The following STK33 variants were observed in gnomAD, a reference collection of about 807,000 sequenced individuals.
The protein encoded by STK33 is serine/threonine-protein kinase 33.
A neutral mutation model predicts 58.0 loss-of-function variants in STK33; 52 were observed. The observed-to-expected ratio is 0.90, with a 90% CI of 0.72 to 1.13. The LOEUF (loss-of-function observed/expected upper bound fraction) is 1.13, where lower values mean the gene tolerates loss of function less well. Ranked by LOEUF, STK33 falls within the 50% of genes most tolerant of loss-of-function variation. The pLI, the probability that STK33 is intolerant of heterozygous loss-of-function variation, is 0.00. For synonymous variants in STK33, 215 were observed against 200.1 expected, an observed-to-expected ratio of 1.07 and a Z score of -0.63; for missense variants, 630 against 604.2, an observed-to-expected ratio of 1.04 and a Z score of -0.45.
In STK33 at chr11:8,436,040, G is replaced by A; in HGVS notation, c.1047C>T (p.Ser349=). The change falls in exon 13 of 16, where the codon TCC becomes TCT. Residue 349 remains serine, a synonymous_variant. Coordinates refer to ENST00000687296, the MANE Select transcript of STK33 (RefSeq NM_001352389.2). Reference sequence around the variant, plus strand: ...ATCTATACTTACCACAGTCACTTATGGAATTCCAGACTGCATTTTCAAAAT... The same window carrying A: ...ATCTATACTTACCACAGTCACTTATAGAATTCCAGACTGCATTTTCAAAAT... ...ELHFENAVWN[S]ISDCAKSVLK... 6.3e-7 allele frequency: 1 copy of A among 1,577,464 alleles called. No homozygotes were observed. Among genetic ancestry groups the A allele is most frequent in the African/African-American group, 1.4e-5 (1 of 73,780 alleles).
intron 1 of STK33, among the ~76,000 whole-genome samples, chr11:8,521,817 G>T (rs920718860): frequency 6.6e-6 from 1 of 152,024 alleles, no homozygotes; most frequent in Non-Finnish European, 1.5e-5. Context: ...GTGGGTGAAG[G>T]ACATGAACAG....
chr11:8,424,275 G>C (rs1000566582), intron 14 of STK33, among the ~76,000 whole-genome samples: 18 of 151,398 alleles, frequency 1.2e-4, no homozygotes, highest in Non-Finnish European at 2.5e-4. Context: ...TGCTGAGAAT[G>C]ATGGTTTCCA....
chr11:8,593,723 G>A (rs2032979686), intron 1 of STK33: 1 of 152,250 alleles, frequency 6.6e-6, no homozygotes, highest in African/African-American at 2.4e-5. Flanking sequence ...GAACTTCTAA[G>A]GATGTTTCCC....
At position 8,423,424 on chromosome 11, in the gene STK33, T is replaced by C. The variant is rs571514271; in HGVS notation, c.1147-9732A>G. Reference sequence around the variant, plus strand: ...GCTGTATCCTCCAAGTTTTGGTATGTTGTATTTTCATTATCACTCAGTTCT... The same window carrying C: ...GCTGTATCCTCCAAGTTTTGGTATGCTGTATTTTCATTATCACTCAGTTCT... On this transcript the variant is annotated intron_variant, in intron 14 of 15. Coordinates refer to ENST00000687296, the MANE Select transcript of STK33 (RefSeq NM_001352389.2). Among the ~76,000 whole-genome samples, 107 of 152,234 alleles carry C rather than the reference T, an allele frequency of 7.0e-4. 1 individual carries two copies. Among genetic ancestry groups the C allele is most frequent in the Non-Finnish European group, 1.3e-3 (88 of 67,996 alleles).
intron 1 of STK33, among the ~76,000 whole-genome samples, chr11:8,485,325 T>C (rs11041947): frequency 0.4 from 60,436 of 152,026 alleles, 12,290 homozygotes; most frequent in South Asian, 0.56. Flanking sequence ...TAAAATTATA[T>C]ACTTTTACAC....
chr11:8,475,127 T>C lies in STK33; in HGVS notation c.-161-61A>G, dbSNP rs1949147665. 1.4e-5 allele frequency: 6 copies of C among 426,956 alleles called. No individual in the cohort carries two copies. In the South Asian group the frequency reaches 3.7e-4, roughly 26 times the overall value. The allele number at this position is 426,956 out of a possible 1,614,324, so 26.4% of individuals were successfully genotyped here. ...TCTTAACCTATTACCATCCTGGAAA[T>C]CAGAGAAAAGCTAGCAACTAGCACT... On this transcript the variant is annotated intron_variant, in intron 4 of 15. Transcript: ENST00000687296.
At chr11:8,355,970 A>G in the STK33 span, among the ~76,000 whole-genome samples, 1 of 152,226 alleles carries the variant, frequency 6.6e-6, no homozygotes, top group East Asian at 1.9e-4. Flanking sequence ...GACCTGACAA[A>G]TGGAGTTTGA....
At chr11:8,540,316 CAA>C (rs142768062) in intron 1 of STK33, among the ~76,000 whole-genome samples, 6 of 117,102 alleles carry the variant, frequency 5.1e-5, no homozygotes, top group East Asian at 2.4e-4. Context: ...CCCATCTCTA[CAA>C]AAAAAAAAAA....
intron 1 of STK33, among the ~76,000 whole-genome samples, chr11:8,550,025 G>C (rs1490153086): frequency 6.6e-6 from 1 of 152,080 alleles, no homozygotes; most frequent in Non-Finnish European, 1.5e-5. Context: ...TTTGTACTTT[G>C]TATTTCCATA....
chr11:8,396,060 C>T lies in STK33; in HGVS notation c.1345-3350G>A, dbSNP rs10840033. ...AAATCACAGTATTTGCTCCTTCACT[C>T]CCTGGTAACATCAATTCAAATCTAC... On this transcript the variant is annotated intron_variant, in intron 15 of 15. Transcript: ENST00000687296. 6.2e-3 allele frequency among the ~76,000 whole-genome samples: 942 copies of T among 152,188 alleles called. 4 individuals carry two copies. The highest frequency in any genetic ancestry group is 9.8e-3 in the Admixed American group (150 of 15,282).
At chr11:8,483,701 C>T (rs1591411676) in intron 1 of STK33, among the ~76,000 whole-genome samples, 1 of 152,256 alleles carries the variant, frequency 6.6e-6, no homozygotes, top group Middle Eastern at 3.4e-3. Context: ...AGGCTCCAGC[C>T]AGTACAATCA....
chr11:8,394,879 T>C (rs1849071838), intron 15 of STK33, among the ~76,000 whole-genome samples: 1 of 152,216 alleles, frequency 6.6e-6, no homozygotes, highest in South Asian at 2.1e-4. Flanking sequence ...GTAATTTTAG[T>C]TATTTATTTC....
At chr11:8,559,737 C>T (rs12792543) in intron 1 of STK33, among the ~76,000 whole-genome samples, 20,108 of 151,954 alleles carry the variant, frequency 0.13, 1,726 homozygotes, top group South Asian at 0.28. Flanking sequence ...TGAAAGAGTC[C>T]AGAGGGTATA....
chr11:8,556,854 A>C (rs1409006017), intron 1 of STK33, among the ~76,000 whole-genome samples: 1 of 152,196 alleles, frequency 6.6e-6, no homozygotes, highest in Non-Finnish European at 1.5e-5. Flanking sequence ...AGAATGAATG[A>C]ATGAAGAAGA....
chr11:8,490,711 A>T (rs1354004401), intron 1 of STK33, among the ~76,000 whole-genome samples: 2 of 152,070 alleles, frequency 1.3e-5, no homozygotes, highest in African/African-American at 4.8e-5. Flanking sequence ...CTCTGGAACA[A>T]AGCTTCCAGA....
At chr11:8,350,008 T>C in the STK33 span, among the ~76,000 whole-genome samples, 1 of 152,290 alleles carries the variant, frequency 6.6e-6, no homozygotes, top group East Asian at 1.9e-4. Context: ...GGATCAGCTG[T>C]TTCTGGAGAG....
At chr11:8,378,760 C>CA in the STK33 span, among the ~76,000 whole-genome samples, 1 of 151,952 alleles carries the variant, frequency 6.6e-6, no homozygotes, top group African/African-American at 2.4e-5. Context: ...ATCCTAACAC[C>CA]AACATCTTTT....
Position 8,499,004 on chromosome 11 carries a change from T to C in STK33, c.-465-18390A>G, listed in dbSNP as rs372621665. Among the ~76,000 whole-genome samples the C allele has an allele frequency of 1.1e-4, 16 of 152,250 alleles. 1 individual carries two copies. The highest frequency in any genetic ancestry group is 3.9e-4 in the African/African-American group (16 of 41,540). ...CTAGAAGAAAACCTAGCCAATACCA[T>C]TCAGGACATAGGCACGGGCAAAGAA... On this transcript the variant is annotated intron_variant, in intron 1 of 15. Transcript: ENST00000687296.
rs150568727 is a variant in STK33, at chr11:8,562,201, T to C, written c.-466+31882A>G. Among the ~76,000 whole-genome samples, 1,075 of 152,352 alleles carry C rather than the reference T, an allele frequency of 7.1e-3. 8 individuals are homozygous for C. The highest frequency in any genetic ancestry group is 0.012 in the Admixed American group (182 of 15,298). On this transcript the variant is annotated intron_variant, in intron 1 of 15. Transcript: ENST00000687296. Reference sequence around the variant, plus strand: ...AGTAAAGCAGTTAACTAGCTTTGGTTTGCTAATTTATTAGTTATTCATTTA... The same window carrying C: ...AGTAAAGCAGTTAACTAGCTTTGGTCTGCTAATTTATTAGTTATTCATTTA...
Sources: allele counts gnomAD v4.1 joint callset (sites outside exome capture counted in the v4.1 genomes callset), GRCh38; gene constraint gnomAD v4.1.1; transcripts MANE v1.5; gene names NCBI Gene and HGNC (gene_info 2026-07-23, HGNC 2026-07-21).